UBALD2: variants seen among roughly 807,000 people sequenced by gnomAD.
The protein encoded by UBALD2 is UBA like domain containing 2, also known as UBA-like domain-containing protein 2.
A neutral mutation model predicts 15.9 loss-of-function variants in UBALD2; 8 were observed. The ratio of observed to expected loss-of-function variants is 0.50; its 90% CI spans 0.29 to 0.91. UBALD2 has a LOEUF of 0.91. Ranked by LOEUF, UBALD2 falls within the 40% of genes least tolerant of loss-of-function variation. UBALD2 has a pLI of 0.07. For synonymous variants in UBALD2, 113 were observed against 97.7 expected (o/e 1.16, Z -0.93); for missense variants, 178 against 234.8 (o/e 0.76, Z 1.58).
Position 76,265,906 on chromosome 17 carries a change from G to T in UBALD2, c.121-1G>T. The T allele has an allele frequency of 6.2e-7, 1 of 1,604,410 alleles. No individual in the cohort carries two copies. Among genetic ancestry groups the T allele is most frequent in the Non-Finnish European group, 8.5e-7 (1 of 1,176,050 alleles). On this transcript the variant is annotated splice_acceptor_variant, in intron 1 of 2. Transcript: ENST00000327490. LOFTEE classifies it high-confidence loss of function. ...CGTGTCACTGCCCTGTTTGTCCGCA[G>T]ACCGCGCTGAGCACGTTCTTCCAAG...
chr17:76,270,326 C>A lies in UBALD2; in HGVS notation c.316C>A (p.Pro106Thr), dbSNP rs2070576916. 1 of 1,607,216 alleles carries A rather than the reference C, an allele frequency of 6.2e-7. No homozygotes were observed. Among genetic ancestry groups the A allele is most frequent in the African/African-American group, 1.3e-5 (1 of 74,888 alleles). ...CATGACAGCCGCAGCCTGCTCCCCA[C>A]CTGCAAACTTCAGCCCCTTCTGGGC... ...SPMTAAACSP[P>T]ANFSPFWASS... The change falls in exon 3 of 3, where the codon CCT becomes ACT. Residue 106 changes from proline to threonine, a missense_variant. Coordinates refer to ENST00000327490, the MANE Select transcript of UBALD2 (RefSeq NM_182565.4).
In UBALD2 at chr17:76,270,605, T is replaced by G; in HGVS notation, c.*100T>G. 8.9e-7 allele frequency: 1 copy of G among 1,122,012 alleles called. No individual in the cohort carries two copies. The highest frequency in any genetic ancestry group is 1.2e-6 in the Non-Finnish European group (1 of 842,452). 69.5% of individuals were successfully genotyped at this position (1,122,012 alleles called of 1,614,324 possible). A position where few individuals can be genotyped will look rare whatever the true frequency, so the allele number is the denominator to read the frequency against. ...GGGGGAGCCGGGGAGGGCAGGGGGT[T>G]TCCCGAAGATCGCACTGGAAGATTT... On this transcript the variant is annotated 3_prime_UTR_variant, in exon 3 of 3. Coordinates refer to ENST00000327490, the MANE Select transcript of UBALD2 (RefSeq NM_182565.4).
chr17:76,265,451 G>C lies in UBALD2; in HGVS notation c.-55G>C, dbSNP rs1304427549. ...CGGGCGGCCGGCCTCCCGCGCCCGC[G>C]CAGCCCCGCGTCTGCGTCCGGCCGG... On this transcript the variant is annotated 5_prime_UTR_variant, in exon 1 of 3. Transcript: ENST00000327490. The C allele has an allele frequency of 1.0e-6, 1 of 1,000,724 alleles. No homozygotes were observed. Among genetic ancestry groups the C allele is most frequent in the East Asian group, 1.1e-4 (1 of 9,496 alleles). The allele number at this position is 1,000,724 out of a possible 1,614,324, so 62.0% of individuals were successfully genotyped here. A position where few individuals can be genotyped will look rare whatever the true frequency, so the allele number is the denominator to read the frequency against.
intron 2 of UBALD2, among the ~76,000 whole-genome samples, chr17:76,266,205 A>C (rs1276680217): frequency 6.6e-6 from 1 of 150,468 alleles, no homozygotes; most frequent in Non-Finnish European, 1.5e-5. Context: ...AGCGGCGCCA[A>C]AGTTGGGGGG....
At position 76,269,027 on chromosome 17, in the gene UBALD2, G is replaced by A. The variant is rs959609651; in HGVS notation, c.184-1167G>A. Among the ~76,000 whole-genome samples the A allele has an allele frequency of 3.9e-5, 6 of 152,024 alleles. No homozygotes were observed. Among genetic ancestry groups the A allele is most frequent in the South Asian group, 4.1e-4 (2 of 4,828 alleles). ...TGGGATTACAGACGTGAGCCACTGC[G>A]CCCTGCCAAAGCTCCCTCTTTCAAG... On this transcript the variant is annotated intron_variant, in intron 2 of 2. Coordinates refer to ENST00000327490, the MANE Select transcript of UBALD2 (RefSeq NM_182565.4). The surrounding 1 kb of genome is among the most constrained non-coding windows in gnomAD (Gnocchi z 4.6).
chr17:76,266,077 G>A, intron 2 of UBALD2, 108 bp downstream of exon 2: 1 of 1,372,612 alleles, frequency 7.3e-7, no homozygotes, highest in East Asian at 2.6e-5. Flanking sequence ...GAGCCAAAAT[G>A]TCTTCCAGGA....
rs1363342297 is a variant in UBALD2 at position 76,265,455 on chromosome 17, C to T, written c.-51C>T. The T allele has an allele frequency of 4.0e-6, 4 of 1,009,212 alleles. No homozygotes were observed. Among genetic ancestry groups the T allele is most frequent in the South Asian group, 8.6e-5 (2 of 23,226 alleles). The allele number at this position is 1,009,212 out of a possible 1,614,324, so 62.5% of individuals were successfully genotyped here. A position where few individuals can be genotyped will look rare whatever the true frequency, so the allele number is the denominator to read the frequency against. ...CGGCCGGCCTCCCGCGCCCGCGCAG[C>T]CCCGCGTCTGCGTCCGGCCGGAGAC... On this transcript the variant is annotated 5_prime_UTR_variant, in exon 1 of 3. Transcript: ENST00000327490.
chr17:76,268,484 A>T (rs910810898), intron 2 of UBALD2, among the ~76,000 whole-genome samples: 1 of 102,194 alleles, frequency 9.8e-6, no homozygotes, highest in East Asian at 2.5e-4. Flanking sequence ...TCATCCCCAG[A>T]GGGTGGGGGG....
In UBALD2 at chr17:76,269,749, A is replaced by G. The variant is rs1270383878; in HGVS notation, c.184-445A>G. Among the ~76,000 whole-genome samples, 4 of 152,198 alleles carry G rather than the reference A, an allele frequency of 2.6e-5. No homozygotes were observed. Among genetic ancestry groups the G allele is most frequent in the African/African-American group, 7.2e-5 (3 of 41,454 alleles). On this transcript the variant is annotated intron_variant, in intron 2 of 2. Transcript: ENST00000327490. This position sits in a 1 kb window ranked among gnomAD's most constrained non-coding sequence, Gnocchi z 4.6. Reference sequence around the variant, plus strand: ...GTGGCTTAACTTTTCCAGGGTTGGCACAGGAGGGAGAGCCTCCCCGCTGGC... The same window carrying G: ...GTGGCTTAACTTTTCCAGGGTTGGCGCAGGAGGGAGAGCCTCCCCGCTGGC...
At chr17:76,268,700 C>T (rs573182569) in intron 2 of UBALD2, among the ~76,000 whole-genome samples, 5 of 151,796 alleles carry the variant, frequency 3.3e-5, no homozygotes, top group African/African-American at 1.2e-4. Flanking sequence ...CCCTACACAA[C>T]CTCCGGTTTC....
chr17:76,270,248 G>T lies in UBALD2; in HGVS notation c.238G>T (p.Ala80Ser). The T allele has an allele frequency of 6.2e-7, 1 of 1,612,716 alleles. No individual in the cohort carries two copies. The highest frequency in any genetic ancestry group is 1.3e-5 in the African/African-American group (1 of 74,996). ...ATPPNFPDALAMFSKLRASEG... is the reference protein window; with the variant it reads ...ATPPNFPDALSMFSKLRASEG... ...GCCGCCCAACTTCCCCGATGCGCTG[G>T]CCATGTTCTCCAAGCTCCGCGCCTC... The change falls in exon 3 of 3, where the codon GCC (alanine) becomes TCC (serine). Residue 80 changes from alanine (A) to serine (S), a missense_variant. By Grantham distance (99) the Ala-to-Ser change is moderately conservative (BLOSUM62 1). Coordinates refer to ENST00000327490, the MANE Select transcript of UBALD2 (RefSeq NM_182565.4).
At position 76,270,261 on chromosome 17, in the gene UBALD2, A is replaced by G; in HGVS notation, c.251A>G (p.Lys84Arg). ...CCCGATGCGCTGGCCATGTTCTCCA[A>G]GCTCCGCGCCTCCGAGGGCCTGCAG... is the stretch of plus-strand genomic sequence containing the variant. Reference protein sequence around the residue: ...NFPDALAMFSKLRASEGLQSS... With the variant: ...NFPDALAMFSRLRASEGLQSS... Residue 84 changes from lysine (K) to arginine (R), a missense_variant, in exon 3 of 3, where the codon AAG becomes AGG. Coordinates refer to ENST00000327490, the MANE Select transcript of UBALD2 (RefSeq NM_182565.4). 2 of 1,612,496 alleles carry G rather than the reference A, an allele frequency of 1.2e-6. No homozygotes were observed. The highest frequency in any genetic ancestry group is 1.6e-4 in the Middle Eastern group (1 of 6,062).
In UBALD2 at chr17:76,269,450, CA is replaced by C. The variant is rs949951781; in HGVS notation, c.184-743del. Reference sequence around the variant, plus strand: ...CCCTGGTTTGTGTCCTCAAGGGGCCCAGATATAAAGGGGCTCTTGACTCTGT... The same window carrying C: ...CCCTGGTTTGTGTCCTCAAGGGGCCCGATATAAAGGGGCTCTTGACTCTGT... On this transcript the variant is annotated intron_variant, in intron 2 of 2. Transcript: ENST00000327490. This position sits in a 1 kb window ranked among gnomAD's most constrained non-coding sequence, Gnocchi z 4.6. Among the ~76,000 whole-genome samples the C allele has an allele frequency of 5.3e-5, 8 of 150,804 alleles. No individual in the cohort carries two copies. The East Asian group carries it at 1.6e-3, about 29-fold the overall frequency.
At chr17:76,265,842 G>T (rs563215414) in intron 1 of UBALD2, 65 bp from the exon 2 acceptor site, 1 of 1,537,498 alleles carries the variant, frequency 6.5e-7, no homozygotes, top group East Asian at 2.5e-5. Context: ...AGCCGGTGGG[G>T]GGCCCAGCCG....
chr17:76,269,694 C>T lies in UBALD2; in HGVS notation c.184-500C>T, dbSNP rs764042469. 1.2e-4 allele frequency among the ~76,000 whole-genome samples: 19 copies of T among 152,196 alleles called. No homozygotes were observed. The highest frequency in any genetic ancestry group is 2.2e-4 in the Non-Finnish European group (15 of 68,028). On this transcript the variant is annotated intron_variant, in intron 2 of 2. Coordinates refer to ENST00000327490, the MANE Select transcript of UBALD2 (RefSeq NM_182565.4). This position sits in a 1 kb window ranked among gnomAD's most constrained non-coding sequence, Gnocchi z 4.6. ...GCCTTCAAGGCCTGGTGGCTGTCAC[C>T]CTTAGTGTGGTGTGAACCCATCCAC...
Position 76,265,348 on chromosome 17 carries a change from A to T in UBALD2, c.-158A>T. 1.3e-6 allele frequency: 1 copy of T among 766,804 alleles called. No individual in the cohort carries two copies. Among genetic ancestry groups the T allele is most frequent in the Non-Finnish European group, 1.6e-6 (1 of 630,452 alleles). 47.5% of individuals were successfully genotyped at this position (766,804 alleles called of 1,614,324 possible). A position where few individuals can be genotyped will look rare whatever the true frequency, so the allele number is the denominator to read the frequency against. On this transcript the variant is annotated 5_prime_UTR_variant, in exon 1 of 3. Coordinates refer to ENST00000327490, the MANE Select transcript of UBALD2 (RefSeq NM_182565.4). ...TCGGCCGGGCCGCGGGAGTCGAACCACAACATTCGCCGGGCGGGCGGCGGC... is the reference window on the plus strand; with the variant it reads ...TCGGCCGGGCCGCGGGAGTCGAACCTCAACATTCGCCGGGCGGGCGGCGGC...
intron 2 of UBALD2, among the ~76,000 whole-genome samples, chr17:76,267,603 C>T (rs1394454679): frequency 1.3e-5 from 2 of 151,570 alleles, no homozygotes; most frequent in Non-Finnish European, 2.9e-5. Context: ...ATCCTTCCGC[C>T]TCAGCCTCCC....
rs1269633937 is a variant in UBALD2, at chr17:76,269,209, C to G, written c.184-985C>G. On this transcript the variant is annotated intron_variant, in intron 2 of 2. Transcript: ENST00000327490. The surrounding 1 kb of genome is among the most constrained non-coding windows in gnomAD (Gnocchi z 4.6). Reference sequence around the variant, plus strand: ...AGCCAGTTTTGTGTGGTCTTGTTCTCTGTGTTGCCTCTTGCCCATGCTGCT... The same window carrying G: ...AGCCAGTTTTGTGTGGTCTTGTTCTGTGTGTTGCCTCTTGCCCATGCTGCT... Among the ~76,000 whole-genome samples the G allele has an allele frequency of 6.6e-6, 1 of 152,180 alleles. No homozygotes were observed. Among genetic ancestry groups the G allele is most frequent in the African/African-American group, 2.4e-5 (1 of 41,444 alleles).
At chr17:76,268,822 C>T (rs1261905196) in intron 2 of UBALD2, among the ~76,000 whole-genome samples, 1 of 151,394 alleles carries the variant, frequency 6.6e-6, no homozygotes, top group Non-Finnish European at 1.5e-5. Flanking sequence ...CAACCTCCAC[C>T]TCCCGGGTTC....
Sources: gnomAD v4.1 joint callset for allele counts (sites outside exome capture counted in the v4.1 genomes callset) on GRCh38, gnomAD v4.1.1 for gene constraint, Gnocchi (gnomAD v3.1) non-coding constraint, MANE v1.5 for transcripts, NCBI Gene and HGNC (gene_info 2026-07-23, HGNC 2026-07-21) for gene names.